The following CPXM2 variants were observed in gnomAD, a reference collection of about 807,000 sequenced individuals.
CPXM2 encodes carboxypeptidase X, M14 family member 2.
A neutral mutation model predicts 86.1 loss-of-function variants in CPXM2; 66 were observed. The ratio of observed to expected loss-of-function variants is 0.77; its 90% CI spans 0.63 to 0.94. CPXM2 has a LOEUF of 0.94. Among genes scored for constraint, CPXM2 ranks in the 40% least tolerant of loss-of-function variants. CPXM2 has a pLI of 0.00. For synonymous variants in CPXM2, 388 were observed against 400.2 expected, an observed-to-expected ratio of 0.97 and a Z score of 0.36; for missense variants, 948 against 1,026.3, an observed-to-expected ratio of 0.92 and a Z score of 1.04.
intron 3 of CPXM2, among the ~76,000 whole-genome samples, chr10:123,858,686 T>C (rs894889130): frequency 2.0e-5 from 3 of 152,202 alleles, no homozygotes; most frequent in African/African-American, 7.2e-5. Flanking sequence ...CATAAGGCAC[T>C]TAGCACTGTG....
intron 13 of CPXM2, among the ~76,000 whole-genome samples, chr10:123,753,225 G>A (rs1846122041): frequency 6.6e-6 from 1 of 152,202 alleles, no homozygotes; most frequent in African/African-American, 2.4e-5. Context: ...GTCAGATCAT[G>A]GGACAGTCAG....
At chr10:123,793,064 G>A (rs895794148) in intron 6 of CPXM2, among the ~76,000 whole-genome samples, 8 of 152,156 alleles carry the variant, frequency 5.3e-5, no homozygotes, top group African/African-American at 1.4e-4. Context: ...AGAAGTTGAA[G>A]GACTTAGTCA....
intron 13 of CPXM2, among the ~76,000 whole-genome samples, chr10:123,748,850 G>C (rs192615969): frequency 3.9e-5 from 6 of 152,064 alleles, no homozygotes; most frequent in African/African-American, 1.4e-4. Flanking sequence ...CCTCCTCCAC[G>C]TGCCCTCCCT....
chr10:123,933,301 T>G (rs1388441394), intron 2 of CPXM2, among the ~76,000 whole-genome samples: 4 of 152,184 alleles, frequency 2.6e-5, no homozygotes, highest in Non-Finnish European at 5.9e-5. Flanking sequence ...CTAGTGGCAT[T>G]TTGATTAAAT....
intron 2 of CPXM2, among the ~76,000 whole-genome samples, chr10:123,924,072 G>A (rs768129875): frequency 2.0e-5 from 3 of 152,064 alleles, no homozygotes; most frequent in Non-Finnish European, 4.4e-5. Context: ...AAGTAAAAAG[G>A]GAAAAACACT....
At chr10:123,896,589 C>T (rs987695302), upstream of CPXM2, among the ~76,000 whole-genome samples, 1 of 152,150 alleles carries the variant, frequency 6.6e-6, no homozygotes, top group Non-Finnish European at 1.5e-5. Flanking sequence ...TTCATGGGTC[C>T]CTCTTGCAAC....
intron 2 of CPXM2, among the ~76,000 whole-genome samples, chr10:123,921,303 A>G (rs1440175808): frequency 6.6e-6 from 1 of 152,232 alleles, no homozygotes; most frequent in East Asian, 1.9e-4. Context: ...AAAAGCATCT[A>G]AAGTTCAAAA....
chr10:123,766,966 G>A lies in CPXM2; in HGVS notation c.1479+7C>T. The A allele has an allele frequency of 6.2e-7, 1 of 1,610,630 alleles. No individual in the cohort carries two copies. The highest frequency in any genetic ancestry group is 8.5e-7 in the Non-Finnish European group (1 of 1,176,862). ...CTGCTTTACAGATGACGGGTATTTTGACTCACCGTGGCATTTTCCGACAGA... is the reference window on the plus strand; with the variant it reads ...CTGCTTTACAGATGACGGGTATTTTAACTCACCGTGGCATTTTCCGACAGA... On this transcript the variant is annotated splice_region_variant and intron_variant, in intron 10 of 13. Transcript: ENST00000241305.
At chr10:123,768,031 T>C (rs1219731) in intron 9 of CPXM2, among the ~76,000 whole-genome samples, 52,087 of 152,098 alleles carry the variant, frequency 0.34, 9,911 homozygotes, top group East Asian at 0.63. Context: ...TCATTCTCAA[T>C]GCCTGCTTTG....
chr10:123,807,303 G>A (rs1752477403), intron 4 of CPXM2, among the ~76,000 whole-genome samples: 1 of 152,104 alleles, frequency 6.6e-6, no homozygotes, highest in South Asian at 2.1e-4. Flanking sequence ...ATTGCCATAA[G>A]GAAATTAATA....
chr10:123,940,123 TC>T (rs1316687241), intron 1 of CPXM2: 1 of 152,182 alleles, frequency 6.6e-6, no homozygotes, highest in Non-Finnish European at 1.5e-5. Flanking sequence ...CCACAACCCC[TC>T]CCCTGCTGCC....
intron 4 of CPXM2, among the ~76,000 whole-genome samples, chr10:123,814,766 G>A (rs1847778551): frequency 6.6e-6 from 1 of 152,148 alleles, no homozygotes; most frequent in Non-Finnish European, 1.5e-5. Context: ...GTTCATGCCT[G>A]TAATCCCAGC....
intron 6 of CPXM2, among the ~76,000 whole-genome samples, chr10:123,792,896 C>T (rs1046202254): frequency 1.3e-5 from 2 of 152,168 alleles, no homozygotes; most frequent in African/African-American, 4.8e-5. Context: ...CTAAGGCAAC[C>T]CAGAGCAGAG....
chr10:123,764,465 C>T (rs1270988744), intron 10 of CPXM2, among the ~76,000 whole-genome samples: 1 of 151,736 alleles, frequency 6.6e-6, no homozygotes, highest in Non-Finnish European at 1.5e-5. Flanking sequence ...TGATTTTTGC[C>T]CTTGCTTTTT....
chr10:123,891,390 C>G lies in CPXM2; in HGVS notation c.270G>C (p.Lys90Asn), dbSNP rs780425479. Residue 90 changes from lysine (K) to asparagine (N), a missense_variant, in exon 1 of 14, where the codon AAG becomes AAC. Transcript: ENST00000241305. This position sits in a 1 kb window ranked among gnomAD's most constrained non-coding sequence, Gnocchi z 5.6. ...GCGGCTCCGGAGCCGACTTCTCCCT[C>G]TTGGGAGCTTTCTTGGGCTTGGTGG... is the stretch of plus-strand genomic sequence containing the variant. ...KRATKPKKAP[K>N]REKSAPEPPP... The G allele has an allele frequency of 1.2e-5, 19 of 1,569,128 alleles. No homozygotes were observed. The highest frequency in any genetic ancestry group is 1.3e-5 in the Non-Finnish European group (15 of 1,157,212).
At position 123,865,545 on chromosome 10, in the gene CPXM2, C is replaced by T. The variant is rs1364404639; in HGVS notation, c.404-2822G>A. On this transcript the variant is annotated intron_variant, in intron 2 of 13. Coordinates refer to ENST00000241305, the MANE Select transcript of CPXM2 (RefSeq NM_198148.3). This position sits in a 1 kb window ranked among gnomAD's most constrained non-coding sequence, Gnocchi z 4.7. ...CATCTAGGAAGCAGAACAGTGGATTCCAATGACACTGTCCACCTCCTATCA... is the reference window on the plus strand; with the variant it reads ...CATCTAGGAAGCAGAACAGTGGATTTCAATGACACTGTCCACCTCCTATCA... Among the ~76,000 whole-genome samples, 2 of 152,150 alleles carry T rather than the reference C, an allele frequency of 1.3e-5. No homozygotes were observed. The highest frequency in any genetic ancestry group is 2.9e-5 in the Non-Finnish European group (2 of 68,026).
chr10:123,829,129 T>C (rs1490426994), intron 4 of CPXM2, among the ~76,000 whole-genome samples: 1 of 152,154 alleles, frequency 6.6e-6, no homozygotes, highest in Non-Finnish European at 1.5e-5. Context: ...ACATTCAACA[T>C]CGCTAGCTAT....
intron 7 of CPXM2, among the ~76,000 whole-genome samples, chr10:123,778,910 G>T (rs1246133716): frequency 6.6e-6 from 1 of 152,192 alleles, no homozygotes; most frequent in African/African-American, 2.4e-5. Flanking sequence ...AGATTTCTTA[G>T]CACATCCCAC....
intron 1 of CPXM2, among the ~76,000 whole-genome samples, chr10:123,886,732 GA>G (rs1314915271): frequency 6.6e-6 from 1 of 152,194 alleles, no homozygotes; most frequent in Non-Finnish European, 1.5e-5. Flanking sequence ...AATGAAGAGA[GA>G]AATAAATAAA....
Sources: gnomAD v4.1 joint callset for allele counts (sites outside exome capture counted in the v4.1 genomes callset) on GRCh38, gnomAD v4.1.1 for gene constraint, Gnocchi (gnomAD v3.1) non-coding constraint, MANE v1.5 for transcripts, NCBI Gene and HGNC (gene_info 2026-07-23, HGNC 2026-07-21) for gene names.